CACNA2D1: variants seen among roughly 807,000 people sequenced by gnomAD.
CACNA2D1 encodes calcium voltage-gated channel auxiliary subunit alpha2delta 1, also known as voltage-dependent calcium channel subunit alpha-2/delta-1.
In CACNA2D1, 53 loss-of-function variants were observed where a neutral mutation model predicts 171.5. The ratio of observed to expected loss-of-function variants is 0.31; its 90% CI spans 0.25 to 0.39. The LOEUF is 0.39. CACNA2D1 is among the 10% of genes least tolerant of loss of function. CACNA2D1 has a pLI of 1.00. For synonymous variants in CACNA2D1, 442 were observed against 443.1 expected, an observed-to-expected ratio of 1.00 and a Z score of 0.03; for missense variants, 903 against 1,299.8, an observed-to-expected ratio of 0.69 and a Z score of 4.69.
intron 3 of CACNA2D1, among the ~76,000 whole-genome samples, chr7:82,317,609 C>T (rs1323331182): frequency 6.6e-6 from 1 of 152,094 alleles, no homozygotes; most frequent in Non-Finnish European, 1.5e-5. Flanking sequence ...TCTTAATATG[C>T]TGATTTAGCC....
intron 3 of CACNA2D1, among the ~76,000 whole-genome samples, chr7:82,252,271 T>C (rs1483609189): frequency 6.6e-6 from 1 of 152,154 alleles, no homozygotes; most frequent in African/African-American, 2.4e-5. Flanking sequence ...CTTACAACTA[T>C]GCTCTGAGGT....
intron 7 of CACNA2D1, among the ~76,000 whole-genome samples, chr7:82,068,790 T>C (rs1807972650): frequency 6.6e-6 from 1 of 152,138 alleles, no homozygotes; most frequent in African/African-American, 2.4e-5. Flanking sequence ...AATTAGATTT[T>C]TGAATTGTTT....
intron 1 of CACNA2D1, among the ~76,000 whole-genome samples, chr7:82,398,647 A>G (rs1294975677): frequency 1.3e-5 from 2 of 150,442 alleles, no homozygotes; most frequent in Non-Finnish European, 3.0e-5. Flanking sequence ...GCATAATCAT[A>G]GCTCACTGCA....
intron 18 of CACNA2D1, among the ~76,000 whole-genome samples, chr7:82,003,560 T>C (rs972071682): frequency 6.6e-6 from 1 of 150,740 alleles, no homozygotes; most frequent in Non-Finnish European, 1.5e-5. Flanking sequence ...CTATGAAAAC[T>C]GCCTAAATTG....
At chr7:82,103,556 C>T (rs1055584216) in intron 6 of CACNA2D1, among the ~76,000 whole-genome samples, 1 of 152,030 alleles carries the variant, frequency 6.6e-6, no homozygotes. Flanking sequence ...CAACAAGACA[C>T]ATGATTACCA....
chr7:82,348,996 A>T (rs531342116), intron 2 of CACNA2D1, among the ~76,000 whole-genome samples: 1 of 152,266 alleles, frequency 6.6e-6, no homozygotes, highest in African/African-American at 2.4e-5. Flanking sequence ...CTCAAAAATC[A>T]CTTTAGAGTG....
In CACNA2D1 at chr7:81,948,638, A is replaced by G. The variant is rs1320058402; in HGVS notation, c.*1754T>C. 6.6e-6 allele frequency: 1 copy of G among 151,936 alleles called. No individual in the cohort carries two copies. The highest frequency in any genetic ancestry group is 1.9e-4 in the East Asian group (1 of 5,182). 9.4% of individuals were successfully genotyped at this position (151,936 alleles called of 1,614,324 possible). ...TATTAAAGCATGCTGGATAATGTTA[A>G]TAACTTTGACTTAAAAAGGATATGT... On this transcript the variant is annotated 3_prime_UTR_variant, in exon 39 of 39. Coordinates refer to ENST00000356860, the MANE Select transcript of CACNA2D1 (RefSeq NM_000722.4).
intron 3 of CACNA2D1, among the ~76,000 whole-genome samples, chr7:82,251,592 A>C (rs992976004): frequency 2.0e-5 from 3 of 152,206 alleles, no homozygotes; most frequent in Non-Finnish European, 4.4e-5. Context: ...GCCCAAGGAC[A>C]ATATGGGTGT....
intron 12 of CACNA2D1, among the ~76,000 whole-genome samples, chr7:82,030,113 T>G (rs1247934970): frequency 6.6e-6 from 1 of 151,808 alleles, no homozygotes; most frequent in Non-Finnish European, 1.5e-5. Flanking sequence ...ATGCAACCTT[T>G]GTTTAAAAAG....
chr7:82,172,024 T>G (rs1256825362), intron 3 of CACNA2D1, among the ~76,000 whole-genome samples: 1 of 152,034 alleles, frequency 6.6e-6, no homozygotes, highest in Non-Finnish European at 1.5e-5. Context: ...TTGCATAGGT[T>G]TTATCAGTGA....
chr7:82,086,197 C>A (rs1047321150), intron 6 of CACNA2D1, among the ~76,000 whole-genome samples: 1 of 152,086 alleles, frequency 6.6e-6, no homozygotes, highest in East Asian at 1.9e-4. Context: ...AAATCATGCA[C>A]AAGCCTTTTT....
chr7:82,306,257 T>C (rs974645585), intron 3 of CACNA2D1, among the ~76,000 whole-genome samples: 4 of 152,188 alleles, frequency 2.6e-5, no homozygotes, highest in Admixed American at 2.0e-4. Context: ...TCATGTCTGG[T>C]AGCCAGCGTG....
intron 1 of CACNA2D1, among the ~76,000 whole-genome samples, chr7:82,440,872 G>C (rs1305910814): frequency 6.6e-6 from 1 of 151,430 alleles, no homozygotes; most frequent in East Asian, 1.9e-4. Flanking sequence ...ACTCCAATTA[G>C]TGCATAATTA....
chr7:82,281,013 G>A (rs777922473), intron 3 of CACNA2D1, among the ~76,000 whole-genome samples: 32 of 152,144 alleles, frequency 2.1e-4, no homozygotes, highest in Non-Finnish European at 4.4e-4. Flanking sequence ...AAATTGGTCT[G>A]ATCATTAAGG....
intron 3 of CACNA2D1, among the ~76,000 whole-genome samples, chr7:82,251,578 A>T (rs75579885): frequency 0.011 from 1,711 of 152,310 alleles, 25 homozygotes; most frequent in African/African-American, 0.039. Context: ...TCCACTGGTT[A>T]TCTGCCCAAG....
At chr7:82,069,416 C>T (rs1444438949) in intron 7 of CACNA2D1, among the ~76,000 whole-genome samples, 3 of 152,244 alleles carry the variant, frequency 2.0e-5, no homozygotes, top group East Asian at 1.9e-4. Context: ...ACAATGTAGA[C>T]GTCTCTTTTT....
chr7:82,176,457 C>A (rs1585009083), intron 3 of CACNA2D1, among the ~76,000 whole-genome samples: 1 of 151,872 alleles, frequency 6.6e-6, no homozygotes, highest in Non-Finnish European at 1.5e-5. Context: ...AGAGAAATTG[C>A]TCTGTATGTT....
chr7:81,968,070 A>G (rs1412177578), intron 29 of CACNA2D1, among the ~76,000 whole-genome samples: 1 of 151,480 alleles, frequency 6.6e-6, no homozygotes, highest in East Asian at 1.9e-4. Flanking sequence ...AGAGTGGGTG[A>G]ATAAATGAAT....
chr7:82,429,883 C>T (rs557658364), intron 1 of CACNA2D1, among the ~76,000 whole-genome samples: 3 of 152,280 alleles, frequency 2.0e-5, no homozygotes, highest in Non-Finnish European at 4.4e-5. Context: ...TTTGGACTGA[C>T]AGCCAAGCAG....
Sources: gnomAD v4.1 joint callset for allele counts (sites outside exome capture counted in the v4.1 genomes callset) on GRCh38, gnomAD v4.1.1 for gene constraint, MANE v1.5 for transcripts, NCBI Gene and HGNC (gene_info 2026-07-23, HGNC 2026-07-21) for gene names.